TECPR1: variants seen among roughly 807,000 people sequenced by gnomAD.
The protein encoded by TECPR1 is tectonin beta-propeller repeat containing 1.
A neutral mutation model predicts 162.4 loss-of-function variants in TECPR1; 122 were observed. That is an observed-to-expected ratio of 0.75 (90% CI 0.65 to 0.87). The LOEUF (loss-of-function observed/expected upper bound fraction) is 0.87, where lower values mean the gene tolerates loss of function less well. Ranked by LOEUF, TECPR1 falls within the 40% of genes least tolerant of loss-of-function variation. The pLI, the probability that TECPR1 is intolerant of heterozygous loss-of-function variation, is 0.00. For synonymous variants in TECPR1, 642 were observed against 670.6 expected (o/e 0.96, Z 0.66); for missense variants, 1,432 against 1,618.2 (o/e 0.88, Z 1.97).
In TECPR1 at chr7:98,232,107, T is replaced by C. The variant is rs1798460690; in HGVS notation, c.1819-148A>G. ...GCTGTCAGCCCAGCTCCCCCTATGC[T>C]AATGATAACAGTGACGCTGCCGGAC... On this transcript the variant is annotated intron_variant, in intron 12 of 25. Transcript: ENST00000447648. The surrounding 1 kb of genome is among the most constrained non-coding windows in gnomAD (Gnocchi z 4.6). The C allele has an allele frequency of 2.5e-6, 2 of 792,406 alleles. No homozygotes were observed. The highest frequency in any genetic ancestry group is 5.4e-5 in the East Asian group (2 of 36,918). 49.1% of individuals were successfully genotyped at this position (792,406 alleles called of 1,614,324 possible). A position where few individuals can be genotyped will look rare whatever the true frequency, so the allele number is the denominator to read the frequency against.
intron 11 of TECPR1, 53 bp from the exon 12 acceptor site, chr7:98,233,025 G>A (rs780208372): frequency 9.1e-6 from 14 of 1,534,774 alleles, no homozygotes; most frequent in Non-Finnish European, 1.2e-5. Flanking sequence ...CCGCAGCTGG[G>A]CAGGAAGCCA....
rs1464374606 is a variant in TECPR1 at position 98,224,844 on chromosome 7, C to T, written c.2647G>A (p.Gly883Ser). 6.3e-7 allele frequency: 1 copy of T among 1,577,124 alleles called. No individual in the cohort carries two copies. The highest frequency in any genetic ancestry group is 1.3e-5 in the African/African-American group (1 of 74,228). ...TACTGCCACCCCTCCTGGTCCGTGC[C>T]CCCCGGAACGCTGAAATCCACGAAC... ...DWFVDFSVPG[G>S]TDQEGWQYAS... Residue 883 changes from glycine (G) to serine (S), a missense_variant, in exon 19 of 26, where the codon GGC (glycine) becomes AGC (serine). Gly to Ser is a moderately conservative substitution (Grantham distance 56). Transcript: ENST00000447648.
At chr7:98,229,992 CTTTT>C (rs762228240) in intron 15 of TECPR1, among the ~76,000 whole-genome samples, 15 of 139,698 alleles carry the variant, frequency 1.1e-4, no homozygotes, top group South Asian at 2.3e-4. Context: ...CCCTTTGTGG[CTTTT>C]TTTTTTTTTT....
intron 2 of TECPR1, among the ~76,000 whole-genome samples, chr7:98,246,535 G>A (rs1250138733): frequency 2.0e-5 from 3 of 152,182 alleles, no homozygotes; most frequent in African/African-American, 7.2e-5. Context: ...AAAGTGCTGG[G>A]ATTACAGGCG....
chr7:98,237,190 C>T (rs970139350), intron 9 of TECPR1, among the ~76,000 whole-genome samples: 12 of 152,058 alleles, frequency 7.9e-5, no homozygotes, highest in Admixed American at 5.2e-4. Flanking sequence ...GGCTGGGGGA[C>T]GCTGTGTTAG....
chr7:98,216,986 G>A lies in TECPR1; in HGVS notation c.*404C>T, dbSNP rs528140828. The stretch of plus-strand genomic sequence containing the variant: ...TCTCTTGGTGAGGGGTGGCGGGCCC[G>A]GGTGCTGTCTGAGATGCCAGCTCAG... On this transcript the variant is annotated 3_prime_UTR_variant, in exon 26 of 26. Transcript: ENST00000447648. 83 of 184,104 alleles carry A rather than the reference G, an allele frequency of 4.5e-4. No homozygotes were observed. In the East Asian group the frequency reaches 8.7e-3, roughly 19 times the overall value. 11.4% of individuals were successfully genotyped at this position (184,104 alleles called of 1,614,324 possible). A position where few individuals can be genotyped will look rare whatever the true frequency, so the allele number is the denominator to read the frequency against.
intron 5 of TECPR1, 99 bp from the exon 6 acceptor site, chr7:98,243,691 C>T: frequency 6.9e-7 from 1 of 1,446,650 alleles, no homozygotes; most frequent in Non-Finnish European, 9.3e-7. Context: ...TTCCATTCTT[C>T]AGCCCAGCCT....
chr7:98,226,739 G>T, intron 17 of TECPR1: 1 of 930,686 alleles, frequency 1.1e-6, no homozygotes, highest in Non-Finnish European at 1.5e-6. Context: ...TTGGAGACCA[G>T]CCTCACCAAC....
intron 10 of TECPR1, among the ~76,000 whole-genome samples, chr7:98,235,342 G>C (rs916549750): frequency 1.3e-5 from 2 of 152,084 alleles, no homozygotes; most frequent in East Asian, 1.9e-4. Context: ...TGGCTAACAC[G>C]GTGAAACCTG....
rs762554072 is a variant in TECPR1 at position 98,231,084 on chromosome 7, C to T, written c.2159G>A (p.Arg720Gln). ...CGGGGACGGGCGGCCCTGCACCTTC[C>T]GGCTCTCGCAGCAAGACAGGCTGAG... ...ALLSLSCCES[R>Q]KVQGRPSPQA... The change falls in exon 15 of 26, where the codon CGG becomes CAG. Residue 720 changes from arginine to glutamine, a missense_variant. Physicochemically the swap from Arg to Gln is conservative, Grantham distance 43. Coordinates refer to ENST00000447648, the MANE Select transcript of TECPR1 (RefSeq NM_015395.3). 15 of 1,605,194 alleles carry T rather than the reference C, an allele frequency of 9.3e-6. No homozygotes were observed. Among genetic ancestry groups the T allele is most frequent in the East Asian group, 2.3e-5 (1 of 44,436 alleles).
Position 98,222,443 on chromosome 7 carries a change from C to T in TECPR1, c.3007G>A (p.Val1003Met), listed in dbSNP as rs376799220. Residue 1003 changes from valine to methionine, a missense_variant, in exon 22 of 26, where the codon GTG (valine) becomes ATG (methionine). Coordinates refer to ENST00000447648, the MANE Select transcript of TECPR1 (RefSeq NM_015395.3). ...TAGAAGGCGGAGCCGTCCCTTGCCACGGCCCACACCTGGTAGCAGGCCCCG... is the reference window on the plus strand; with the variant it reads ...TAGAAGGCGGAGCCGTCCCTTGCCATGGCCCACACCTGGTAGCAGGCCCCG... Reference protein sequence around the residue: ...SIGACYQVWAVARDGSAFYRG... With the variant: ...SIGACYQVWAMARDGSAFYRG... 1.7e-5 allele frequency: 27 copies of T among 1,595,608 alleles called. No homozygotes were observed. The highest frequency in any genetic ancestry group is 2.7e-5 in the African/African-American group (2 of 74,622).
At chr7:98,233,293 A>G (rs546563247) in intron 11 of TECPR1, 128 bp downstream of exon 11, 1 of 1,241,168 alleles carries the variant, frequency 8.1e-7, no homozygotes, top group South Asian at 2.0e-5. Context: ...AGAGCTGCTG[A>G]GCACAGTGAG....
intron 3 of TECPR1, 50 bp downstream of exon 3, chr7:98,245,872 T>C (rs1232215298): frequency 2.0e-6 from 3 of 1,503,904 alleles, no homozygotes; most frequent in Non-Finnish European, 1.8e-6. Flanking sequence ...TTTTAACCAA[T>C]AACCCAGCGA....
Position 98,241,033 on chromosome 7 carries a change from G to C in TECPR1, c.832+37C>G. 1 of 1,591,744 alleles carries C rather than the reference G, an allele frequency of 6.3e-7. No homozygotes were observed. The highest frequency in any genetic ancestry group is 1.3e-5 in the African/African-American group (1 of 74,642). On this transcript the variant is annotated intron_variant, in intron 7 of 25. Coordinates refer to ENST00000447648, the MANE Select transcript of TECPR1 (RefSeq NM_015395.3). This position sits in a 1 kb window ranked among gnomAD's most constrained non-coding sequence, Gnocchi z 5.0. ...CGAGTGACCCTCACCCTTCTCCCCA[G>C]TACAGGGTATGTGGGTGGGGGAGCC...
chr7:98,233,544 G>T lies in TECPR1; in HGVS notation c.1549C>A (p.Leu517Ile). The change falls in exon 11 of 26, where the codon CTC becomes ATC. Residue 517 changes from leucine (L) to isoleucine (I), a missense_variant. Leu to Ile is a conservative substitution (Grantham distance 5). Transcript: ENST00000447648. Reference protein sequence around the residue: ...PETTSLSSLGLLPLGLEEPYG... With the variant: ...PETTSLSSLGILPLGLEEPYG... ...GGCTCCTCCAAGCCCAGTGGGAGGA[G>T]CCCCAGAGAGGAGAGGCTGGTGGTC... is the stretch of plus-strand genomic sequence containing the variant. 1 of 1,592,682 alleles carries T rather than the reference G, an allele frequency of 6.3e-7. No individual in the cohort carries two copies. The highest frequency in any genetic ancestry group is 8.5e-7 in the Non-Finnish European group (1 of 1,171,756).
At position 98,217,987 on chromosome 7, in the gene TECPR1, C is replaced by T. The variant is rs1309276452; in HGVS notation, c.3213G>A (p.Trp1071Ter). 6.4e-7 allele frequency: 1 copy of T among 1,566,670 alleles called. No individual in the cohort carries two copies. Among genetic ancestry groups the T allele is most frequent in the South Asian group, 1.2e-5 (1 of 84,944 alleles). Residue 1071 changes from tryptophan (W) to a stop codon, truncating the protein, a stop_gained, in exon 24 of 26, where the codon TGG becomes TGA. Coordinates refer to ENST00000447648, the MANE Select transcript of TECPR1 (RefSeq NM_015395.3). LOFTEE classifies it high-confidence loss of function. ...GGCACACGTTGTTGGACACGTGCTC[C>T]CAGCTGGAGCCCTGCGGGTAGCTGG... ...ITPSYPQGSS[W>*]EHVSNNVCRV...
Position 98,246,019 on chromosome 7 carries a change from T to C in TECPR1, c.128A>G (p.Gln43Arg), listed in dbSNP as rs747260620. 2 of 1,600,082 alleles carry C rather than the reference T, an allele frequency of 1.2e-6. No homozygotes were observed. Among genetic ancestry groups the C allele is most frequent in the South Asian group, 2.3e-5 (2 of 88,680 alleles). Residue 43 changes from glutamine to arginine, a missense_variant, in exon 3 of 26, where the codon CAG becomes CGG. Coordinates refer to ENST00000447648, the MANE Select transcript of TECPR1 (RefSeq NM_015395.3). ...GTCACAGGCAATGCCCCAGCAGCAC[T>C]GCGTGGTGGCGCTGACGCGCTTGAA... ...LEFKRVSATT[Q>R]CCWGIACDNQ... is the part of the protein sequence containing the mutation.
intron 5 of TECPR1, among the ~76,000 whole-genome samples, chr7:98,244,240 C>A (rs1173033992): frequency 1.3e-5 from 2 of 152,194 alleles, no homozygotes; most frequent in Admixed American, 6.5e-5. Context: ...GGTCATGGAG[C>A]AACGCTAGAG....
chr7:98,236,618 G>A (rs1007639531), intron 10 of TECPR1, among the ~76,000 whole-genome samples, 158 bp downstream of exon 10: 2 of 151,280 alleles, frequency 1.3e-5, no homozygotes, highest in Non-Finnish European at 2.9e-5. Context: ...GGAGGGCTTC[G>A]GCTCTTGTGG....
Sources: allele counts gnomAD v4.1 joint callset (sites outside exome capture counted in the v4.1 genomes callset), GRCh38; gene constraint gnomAD v4.1.1; non-coding constraint Gnocchi (gnomAD v3.1); transcripts MANE v1.5; gene names NCBI Gene and HGNC (gene_info 2026-07-23, HGNC 2026-07-21).